TCHH: variants seen among roughly 807,000 people sequenced by gnomAD.
TCHH encodes the protein trichohyalin.
In TCHH, 6 loss-of-function variants were observed where a neutral mutation model predicts 6.3. That is an observed-to-expected ratio of 0.95 (90% CI 0.52 to 1.88). The LOEUF (loss-of-function observed/expected upper bound fraction) is 1.88, where lower values mean the gene tolerates loss of function less well. TCHH is among the 40% of genes most tolerant of loss of function. TCHH has a pLI of 0.01. For missense variants in TCHH, 2,920 were observed against 2,449.1 expected (o/e 1.19, Z -4.06); for synonymous variants, 1,087 against 963.6 (o/e 1.13, Z -2.37).
Position 152,109,445 on chromosome 1 carries a change from G to T in TCHH, c.3772C>A (p.Leu1258Met), listed in dbSNP as rs2496253. 1 of 1,613,986 alleles carries T rather than the reference G, an allele frequency of 6.2e-7. No individual in the cohort carries two copies. The highest frequency in any genetic ancestry group is 8.5e-7 in the Non-Finnish European group (1 of 1,180,018). ...TCTTGCTGGGATTGTCTGTCGCGCA[G>T]CTGGGAATCTTCCAACTGCCGGAAC... ...EQFRQLEDSQ[L>M]RDRQSQQDLQ... The change falls in exon 3 of 3, where the codon CTG becomes ATG. Residue 1258 changes from leucine (L) to methionine (M), a missense_variant. Leu to Met is a conservative substitution (Grantham distance 15). Transcript: ENST00000614923.
chr1:152,108,023 GCAGCTGTTCCTC>G lies in TCHH; in HGVS notation c.5182_5193del (p.Glu1728_Leu1731del). ...AGCTGCTCTTGCTCCGTTTCTTGGC[GCAGCTGTTCCTC>G]CTCACGGAATTTTCTCTCCAGTTCC... On this transcript the variant is annotated inframe_deletion, in exon 3 of 3. Transcript: ENST00000614923. The G allele has an allele frequency of 6.2e-7, 1 of 1,613,252 alleles. No individual in the cohort carries two copies. The highest frequency in any genetic ancestry group is 8.5e-7 in the Non-Finnish European group (1 of 1,179,826).
rs777648716 is a variant in TCHH, at chr1:152,111,180, C to T, written c.2037G>A (p.Glu679=). The T allele has an allele frequency of 1.2e-5, 19 of 1,613,290 alleles. No individual in the cohort carries two copies. In the East Asian group the frequency reaches 2.5e-4, roughly 21 times the overall value. ...CCTCAGCTAGCTCCTGCTCGCGCCT[C>T]TCTTCCTCATGCTCGCGCTTCAGCC... ...EQRLKREHEE[E]RREQELAEEE... Residue 679 remains glutamate, a synonymous_variant, in exon 3 of 3, where the codon GAG becomes GAA. Coordinates refer to ENST00000614923, the MANE Select transcript of TCHH (RefSeq NM_007113.4).
chr1:152,108,338 G>A lies in TCHH; in HGVS notation c.4879C>T (p.Leu1627=). 6.2e-7 allele frequency: 1 copy of A among 1,608,372 alleles called. No homozygotes were observed. Among genetic ancestry groups the A allele is most frequent in the Non-Finnish European group, 8.5e-7 (1 of 1,178,322 alleles). ...RDRKFREDEQ[L]LQEREEQQLH... Reference sequence around the variant, plus strand: ...TGCTGTTCTTCCCTTTCCTGGAGCAGCTGTTCGTCTTCGCGGAATTTTCTG... The same window carrying A: ...TGCTGTTCTTCCCTTTCCTGGAGCAACTGTTCGTCTTCGCGGAATTTTCTG... Residue 1627 remains leucine (L), a synonymous_variant, in exon 3 of 3, where the codon CTG becomes TTG. Coordinates refer to ENST00000614923, the MANE Select transcript of TCHH (RefSeq NM_007113.4).
Position 152,108,512 on chromosome 1 carries a change from C to T in TCHH, c.4705G>A (p.Glu1569Lys), listed in dbSNP as rs1386389442. The T allele has an allele frequency of 3.7e-6, 6 of 1,610,788 alleles. No individual in the cohort carries two copies. Among genetic ancestry groups the T allele is most frequent in the South Asian group, 1.1e-5 (1 of 90,540 alleles). The change falls in exon 3 of 3, where the codon GAA becomes AAA. Residue 1569 changes from glutamate (E) to lysine (K), a missense_variant. Coordinates refer to ENST00000614923, the MANE Select transcript of TCHH (RefSeq NM_007113.4). ...EEEQLRQEREEQQLSRQERDR... is the reference protein window; with the variant it reads ...EEEQLRQEREKQQLSRQERDR... ...CGCTCTTGGCGGCTCAGCTGCTGTT[C>T]CTCCCTCTCCTGGCGCAGCTGTTCC...
rs752236097 is a variant in TCHH at position 152,112,353 on chromosome 1, C to T, written c.864G>A (p.Arg288=). The stretch of plus-strand genomic sequence containing the variant: ...GCTGCTGCTCTTCCTCCTGGCGCTC[C>T]CTCCTCAGCTCTTGCCGCTCCAGCT... ...LRKLERQELR[R]ERQEEEQQQQ... is the part of the protein sequence containing the mutation. Residue 288 remains arginine (R), a synonymous_variant, in exon 3 of 3, where the codon AGG becomes AGA. Coordinates refer to ENST00000614923, the MANE Select transcript of TCHH (RefSeq NM_007113.4). 4 of 1,613,428 alleles carry T rather than the reference C, an allele frequency of 2.5e-6. No individual in the cohort carries two copies. The highest frequency in any genetic ancestry group is 1.3e-5 in the African/African-American group (1 of 74,854).
Position 152,112,357 on chromosome 1 carries a change from C to G in TCHH, c.860G>C (p.Arg287Thr), listed in dbSNP as rs1472867299. ...QLRKLERQEL[R>T]RERQEEEQQQ... ...CTGCTCTTCCTCCTGGCGCTCCCTC[C>G]TCAGCTCTTGCCGCTCCAGCTTCCG... The change falls in exon 3 of 3, where the codon AGG (arginine) becomes ACG (threonine). Residue 287 changes from arginine to threonine, a missense_variant. Transcript: ENST00000614923. 1 of 1,613,362 alleles carries G rather than the reference C, an allele frequency of 6.2e-7. No individual in the cohort carries two copies. The highest frequency in any genetic ancestry group is 2.2e-5 in the East Asian group (1 of 44,832).
In TCHH at chr1:152,109,234, T is replaced by C; in HGVS notation, c.3983A>G (p.Lys1328Arg). 6.2e-7 allele frequency: 1 copy of C among 1,614,128 alleles called. No homozygotes were observed. The highest frequency in any genetic ancestry group is 1.1e-5 in the South Asian group (1 of 91,088). The change falls in exon 3 of 3, where the codon AAG becomes AGG. Residue 1328 changes from lysine to arginine, a missense_variant. By Grantham distance (26) the Lys-to-Arg change is conservative. Transcript: ENST00000614923. ...KQLLREEREE[K>R]RRRQETDRKF... is the part of the protein sequence containing the mutation. ...TCTGTCTGTCTCTTGACGGCGTCTCTTCTCTTCTCTTTCCTCTCTCAGCAA... is the reference window on the plus strand; with the variant it reads ...TCTGTCTGTCTCTTGACGGCGTCTCCTCTCTTCTCTTTCCTCTCTCAGCAA...
In TCHH at chr1:152,111,853, C is replaced by T; in HGVS notation, c.1364G>A (p.Arg455His). Residue 455 changes from arginine to histidine, a missense_variant, in exon 3 of 3, where the codon CGC (arginine) becomes CAC (histidine). By Grantham distance (29) the Arg-to-His change is conservative. Coordinates refer to ENST00000614923, the MANE Select transcript of TCHH (RefSeq NM_007113.4). Reference protein sequence around the residue: ...QRLKREQEERRDWLKREEETE... With the variant: ...QRLKREQEERHDWLKREEETE... ...CTCCTCCTCGCGCTTCAGCCAATCG[C>T]GCCTCTCCTCCTGCTCGCGCTTCAG... is the stretch of plus-strand genomic sequence containing the variant. 6.4e-7 allele frequency: 1 copy of T among 1,558,600 alleles called. No homozygotes were observed. The highest frequency in any genetic ancestry group is 8.7e-7 in the Non-Finnish European group (1 of 1,150,366).
intron 2 of TCHH, 64 bp from the exon 3 acceptor site, chr1:152,113,142 A>G: frequency 2.8e-6 from 4 of 1,405,200 alleles, no homozygotes; most frequent in Non-Finnish European, 3.9e-6. Flanking sequence ...AATTATATTC[A>G]CACATGATAT....
chr1:152,109,173 C>T lies in TCHH; in HGVS notation c.4044G>A (p.Arg1348=). ...CTTGGCGGCGCAGCGGCTGTTCCTC[C>T]CTTTCCTGGAGCAGCTGTTCCTCCT... ...FREEEQLLQE[R]EEQPLRRQER... The change falls in exon 3 of 3, where the codon AGG becomes AGA. Residue 1348 remains arginine, a synonymous_variant. Transcript: ENST00000614923. 3 of 1,613,626 alleles carry T rather than the reference C, an allele frequency of 1.9e-6. No homozygotes were observed. Among genetic ancestry groups the T allele is most frequent in the Non-Finnish European group, 2.5e-6 (3 of 1,179,716 alleles).
rs572574767 is a variant in TCHH at position 152,107,946 on chromosome 1, C to G, written c.5271G>C (p.Pro1757=). ...GGCGCAGCTGCTGTTCTTCCCTTTC[C>G]GGACGGAGCTGCTCTTCCTCTAGGA... ...RKILEEEQLR[P]EREEQQLRRQ... is the part of the protein sequence containing the mutation. The change falls in exon 3 of 3, where the codon CCG becomes CCC. Residue 1757 remains proline (P), a synonymous_variant. Transcript: ENST00000614923. 3.7e-6 allele frequency: 6 copies of G among 1,604,396 alleles called. No individual in the cohort carries two copies. In the African/African-American group the frequency reaches 6.9e-5, roughly 19 times the overall value.
rs112406611 is a variant in TCHH at position 152,109,174 on chromosome 1, C to T, written c.4043G>A (p.Arg1348Lys). The stretch of plus-strand genomic sequence containing the variant: ...TTGGCGGCGCAGCGGCTGTTCCTCC[C>T]TTTCCTGGAGCAGCTGTTCCTCCTC... ...FREEEQLLQE[R>K]EEQPLRRQER... The change falls in exon 3 of 3, where the codon AGG becomes AAG. Residue 1348 changes from arginine (R) to lysine (K), a missense_variant. Transcript: ENST00000614923. 1.9e-6 allele frequency: 3 copies of T among 1,613,470 alleles called. No homozygotes were observed. The highest frequency in any genetic ancestry group is 1.7e-5 in the Admixed American group (1 of 59,966).
In TCHH at chr1:152,109,561, T is replaced by C; in HGVS notation, c.3656A>G (p.Gln1219Arg). The C allele has an allele frequency of 6.2e-7, 1 of 1,614,278 alleles. No homozygotes were observed. Among genetic ancestry groups the C allele is most frequent in the Non-Finnish European group, 8.5e-7 (1 of 1,180,056 alleles). Reference protein sequence around the residue: ...KRKQRYRDEDQRSDLKWQWEP... With the variant: ...KRKQRYRDEDRRSDLKWQWEP... ...CCACTGCCATTTCAGATCACTGCGCTGATCCTCATCCCGGTATCGCTGCTT... is the reference window on the plus strand; with the variant it reads ...CCACTGCCATTTCAGATCACTGCGCCGATCCTCATCCCGGTATCGCTGCTT... The change falls in exon 3 of 3, where the codon CAG becomes CGG. Residue 1219 changes from glutamine (Q) to arginine (R), a missense_variant. Transcript: ENST00000614923.
Position 152,109,997 on chromosome 1 carries a change from G to A in TCHH, c.3220C>T (p.Gln1074Ter). ...TTCCGATATTGCCTCTCCAGCTCCTGGCGCCTTCTCGTCTCCCGTTCCTCT... is the reference window on the plus strand; with the variant it reads ...TTCCGATATTGCCTCTCCAGCTCCTAGCGCCTTCTCGTCTCCCGTTCCTCT... ...LGEERETRRR[Q>*]ELERQYRKEE... The change falls in exon 3 of 3, where the codon CAG (glutamine) becomes TAG (stop). Residue 1074 changes from glutamine (Q) to a stop codon, truncating the protein, a stop_gained. Transcript: ENST00000614923. LOFTEE classifies it low-confidence loss of function (END_TRUNC). 6.5e-7 allele frequency: 1 copy of A among 1,534,814 alleles called. No individual in the cohort carries two copies. Among genetic ancestry groups the A allele is most frequent in the Non-Finnish European group, 8.8e-7 (1 of 1,139,146 alleles).
At position 152,112,278 on chromosome 1, in the gene TCHH, C is replaced by T. The variant is rs748580600; in HGVS notation, c.939G>A (p.Glu313=). 4 of 1,607,896 alleles carry T rather than the reference C, an allele frequency of 2.5e-6. No individual in the cohort carries two copies. The East Asian group carries it at 6.7e-5, about 27-fold the overall frequency. The change falls in exon 3 of 3, where the codon GAG becomes GAA. Residue 313 remains glutamate (E), a synonymous_variant. Transcript: ENST00000614923. ...EQQLRRKQEE[E]RREQQEERRE... is the part of the protein sequence containing the mutation. ...GCCTCTCCTCCTGCTGCTCGCGCCT[C>T]TCCTCCTCCTGCTTGCGCCTTAGTT...
chr1:152,112,710 G>A lies in TCHH; in HGVS notation c.507C>T (p.Arg169=), dbSNP rs764436329. 2.7e-5 allele frequency: 44 copies of A among 1,613,852 alleles called. No homozygotes were observed. Among genetic ancestry groups the A allele is most frequent in the Non-Finnish European group, 3.1e-5 (36 of 1,180,016 alleles). The change falls in exon 3 of 3, where the codon CGC becomes CGT. Residue 169 remains arginine (R), a synonymous_variant. Coordinates refer to ENST00000614923, the MANE Select transcript of TCHH (RefSeq NM_007113.4). The stretch of plus-strand genomic sequence containing the variant: ...GCCTTTGCCGCCACAGCTCCTCGTC[G>A]CGGCGCTGCCTGTCGCGCTGTTCAA... The part of the protein sequence containing the change: ...ERLEQRDRQR[R]DEELWRQRQE...
At position 152,112,819 on chromosome 1, in the gene TCHH, G is replaced by C. The variant is rs2101534233; in HGVS notation, c.398C>G (p.Pro133Arg). 2 of 1,613,830 alleles carry C rather than the reference G, an allele frequency of 1.2e-6. No homozygotes were observed. Among genetic ancestry groups the C allele is most frequent in the South Asian group, 2.2e-5 (2 of 91,060 alleles). ...CCTCTTCTGCCTGCGTCGTTGCCCA[G>C]GTTCTTCTTCCAGTTGTCTGTCCCG... The part of the protein sequence containing the change: ...EPRDRQLEEE[P>R]GQRRRQKRQE... The change falls in exon 3 of 3, where the codon CCT (proline) becomes CGT (arginine). Residue 133 changes from proline to arginine, a missense_variant. By Grantham distance (103) the Pro-to-Arg change is moderately radical (BLOSUM62 -2). Transcript: ENST00000614923.
rs766653214 is a variant in TCHH at position 152,107,797 on chromosome 1, C to T, written c.5420G>A (p.Arg1807Lys). 5 of 1,613,176 alleles carry T rather than the reference C, an allele frequency of 3.1e-6. No individual in the cohort carries two copies. The highest frequency in any genetic ancestry group is 1.1e-5 in the South Asian group (1 of 91,046). Residue 1807 changes from arginine to lysine, a missense_variant, in exon 3 of 3, where the codon AGG becomes AAG. By Grantham distance (26) the Arg-to-Lys change is conservative. Transcript: ENST00000614923. ...FREEEQLRQE[R>K]EEQQLRPQQR... is the part of the protein sequence containing the mutation. ...TTGGGGGCGCAGCTGCTGTTCTTCC[C>T]TCTCCTGGCGTAGCTGTTCCTCCTC...
rs1175378179 is a variant in TCHH at position 152,109,801 on chromosome 1, T to G, written c.3416A>C (p.Gln1139Pro). Residue 1139 changes from glutamine to proline, a missense_variant, in exon 3 of 3, where the codon CAA becomes CCA. Gln to Pro is a moderately conservative substitution (Grantham distance 76). Transcript: ENST00000614923. ...CTGCACCTCCTCTTCCTCCCGATAT[T>G]GCCTCTCCAGCTCCTGGCGCCTTCT... is the stretch of plus-strand genomic sequence containing the variant. ...EKRRRQELERQYREEEEVQQE... is the reference protein window; with the variant it reads ...EKRRRQELERPYREEEEVQQE... 1 of 1,592,878 alleles carries G rather than the reference T, an allele frequency of 6.3e-7. No homozygotes were observed. The highest frequency in any genetic ancestry group is 8.6e-7 in the Non-Finnish European group (1 of 1,167,692).
Sources: gnomAD v4.1 joint callset for allele counts on GRCh38, gnomAD v4.1.1 for gene constraint, MANE v1.5 for transcripts, NCBI Gene and HGNC (gene_info 2026-07-23, HGNC 2026-07-21) for gene names.